The following ZNF653 variants were observed in gnomAD, a reference collection of about 807,000 sequenced individuals.
The protein encoded by ZNF653 is 67 kDa zinc finger protein.
Under a neutral mutation model 59.9 loss-of-function variants are expected in ZNF653, and 37 were observed. The ratio of observed to expected loss-of-function variants is 0.62; its 90% confidence interval spans 0.48 to 0.81. The LOEUF (loss-of-function observed/expected upper bound fraction) is 0.81. Ranked by LOEUF, ZNF653 falls within the 40% of genes least tolerant of loss-of-function variation. ZNF653 has a pLI of 0.00. For missense variants in ZNF653, 808 were observed against 881.1 expected (o/e 0.92, Z 1.05); for synonymous variants, 435 against 371.8 (o/e 1.17, Z -1.96).
At chr19:11,490,796 C>T (rs1274364087) in intron 3 of ZNF653, among the ~76,000 whole-genome samples, 1 of 152,128 alleles carries the variant, frequency 6.6e-6, no homozygotes, top group African/African-American at 2.4e-5. Context: ...ATCTCATTGG[C>T]CCCCTAAGAG....
intron 3 of ZNF653, among the ~76,000 whole-genome samples, chr19:11,490,635 T>C (rs574879372): frequency 1.3e-5 from 2 of 152,176 alleles, no homozygotes; most frequent in South Asian, 4.2e-4. Context: ...TCAGGTGATC[T>C]GCCCGCCTTG....
intron 3 of ZNF653, among the ~76,000 whole-genome samples, chr19:11,490,197 C>T (rs931635074): frequency 5.9e-5 from 9 of 152,182 alleles, no homozygotes; most frequent in Non-Finnish European, 1.2e-4. Context: ...ATGGCTCTAC[C>T]TACAATTACA....
At chr19:11,501,857 C>T (rs1312265168) in intron 1 of ZNF653, among the ~76,000 whole-genome samples, 16 of 152,076 alleles carry the variant, frequency 1.1e-4, no homozygotes, top group Non-Finnish European at 2.4e-4. Context: ...TGCGGTGGCA[C>T]GATCTTGGCT....
chr19:11,499,990 G>C (rs1971627364), intron 1 of ZNF653, among the ~76,000 whole-genome samples: 1 of 152,160 alleles, frequency 6.6e-6, no homozygotes, highest in Admixed American at 6.5e-5. Context: ...TCATCAATAA[G>C]CAAATGGTAC....
At chr19:11,484,869 T>G (rs921327451) in intron 7 of ZNF653, among the ~76,000 whole-genome samples, 13 of 151,020 alleles carry the variant, frequency 8.6e-5, no homozygotes, top group African/African-American at 3.2e-4. Context: ...CTGGCTAACA[T>G]GGCGAAACCC....
intron 1 of ZNF653, among the ~76,000 whole-genome samples, chr19:11,502,927 G>A (rs987688580): frequency 6.6e-6 from 1 of 151,926 alleles, no homozygotes. Flanking sequence ...CCAGCTACTC[G>A]GGAGGCTGAG....
Position 11,487,943 on chromosome 19 carries a change from A to C in ZNF653, c.560-40T>G, listed in dbSNP as rs760692957. On this transcript the variant is annotated intron_variant, in intron 3 of 8. Coordinates refer to ENST00000293771, the MANE Select transcript of ZNF653 (RefSeq NM_138783.4). This position sits in a 1 kb window ranked among gnomAD's most constrained non-coding sequence, Gnocchi z 5.1. ...GAAAGGGAGTGGTTATGATAGCTGCAGCCACTGGTATTTGTTTATTTAGTT... is the reference window on the plus strand; with the variant it reads ...GAAAGGGAGTGGTTATGATAGCTGCCGCCACTGGTATTTGTTTATTTAGTT... 4 of 1,476,010 alleles carry C rather than the reference A, an allele frequency of 2.7e-6. No individual in the cohort carries two copies. The South Asian group carries it at 5.9e-5, about 22-fold the overall frequency. The allele number at this position is 1,476,010 out of a possible 1,614,324, so 91.4% of individuals were successfully genotyped here.
intron 1 of ZNF653, 94 bp downstream of exon 1, chr19:11,505,394 G>A (rs760795733): frequency 3.1e-6 from 4 of 1,271,458 alleles, no homozygotes; most frequent in Non-Finnish European, 4.1e-6. Flanking sequence ...CGCAGGTGCC[G>A]GGGGCTGGCC....
At chr19:11,488,957 T>C (rs1971501726) in intron 3 of ZNF653, among the ~76,000 whole-genome samples, 1 of 151,624 alleles carries the variant, frequency 6.6e-6, no homozygotes, top group South Asian at 2.1e-4. Flanking sequence ...TGGAGTGCAA[T>C]GGTGCAATCT....
intron 3 of ZNF653, among the ~76,000 whole-genome samples, chr19:11,489,049 A>G (rs142455960): frequency 0.033 from 4,887 of 148,820 alleles, 117 homozygotes; most frequent in East Asian, 0.081. Flanking sequence ...ACAGGCGTGC[A>G]CCACCACACC....
At chr19:11,488,278 T>C (rs1179242394) in intron 3 of ZNF653, among the ~76,000 whole-genome samples, 2 of 151,470 alleles carry the variant, frequency 1.3e-5, no homozygotes, top group African/African-American at 4.9e-5. Flanking sequence ...GCCTCCCGAG[T>C]AGCTGGGACT....
Position 11,495,855 on chromosome 19 carries a change from T to G in ZNF653, c.559+95A>C, listed in dbSNP as rs1281787228. ...GTGCCAGAGCCAGAGCCAGAGCCAC[T>G]GTGGCTGCTATTCTGTTTGTGATGC... On this transcript the variant is annotated intron_variant, in intron 3 of 8. Transcript: ENST00000293771. This position sits in a 1 kb window ranked among gnomAD's most constrained non-coding sequence, Gnocchi z 4.9. The G allele has an allele frequency of 1.5e-6, 2 of 1,299,496 alleles. No individual in the cohort carries two copies. Among genetic ancestry groups the G allele is most frequent in the Admixed American group, 4.2e-5 (2 of 47,982 alleles). The allele number at this position is 1,299,496 out of a possible 1,614,324, so 80.5% of individuals were successfully genotyped here.
chr19:11,498,522 C>G (rs550784716), intron 1 of ZNF653, among the ~76,000 whole-genome samples, 183 bp from the exon 2 acceptor site: 1 of 152,204 alleles, frequency 6.6e-6, no homozygotes, highest in African/African-American at 2.4e-5. Context: ...TGACTCATTG[C>G]AGCCTTTGCC....
Position 11,505,509 on chromosome 19 carries a change from C to T in ZNF653, c.278G>A (p.Gly93Asp), listed in dbSNP as rs1342587172. The change falls in exon 1 of 9, where the codon GGC (glycine) becomes GAC (aspartate). Residue 93 changes from glycine (G) to aspartate (D), a missense_variant. Transcript: ENST00000293771. ...LAAYLISLER[G>D]QRSGRHGKPW... is the part of the protein sequence containing the mutation. ...TCACCCGTGGCGGCCGCTCCGCTGG[C>T]CGCGCTCCAGAGAGATGAGGTAGGC... 4.0e-6 allele frequency: 6 copies of T among 1,495,756 alleles called. No individual in the cohort carries two copies. Among genetic ancestry groups the T allele is most frequent in the Non-Finnish European group, 5.3e-6 (6 of 1,135,838 alleles). 92.7% of individuals were successfully genotyped at this position (1,495,756 alleles called of 1,614,324 possible).
At position 11,483,721 on chromosome 19, in the gene ZNF653, G is replaced by A; in HGVS notation, c.1809C>T (p.Phe603=). 1 of 1,613,706 alleles carries A rather than the reference G, an allele frequency of 6.2e-7. No individual in the cohort carries two copies. Among genetic ancestry groups the A allele is most frequent in the South Asian group, 1.1e-5 (1 of 91,076 alleles). The change falls in exon 9 of 9, where the codon TTC becomes TTT. Residue 603 remains phenylalanine (F), a synonymous_variant. Transcript: ENST00000293771. ...GATCCGGGTGGCTTTTGAGCGTGTG[G>A]AACTTGACGCTGTCCAGCTTCTCGA... The part of the protein sequence containing the change: ...KRFEKLDSVK[F]HTLKSHPDHK...
intron 1 of ZNF653, among the ~76,000 whole-genome samples, chr19:11,498,585 A>G (rs1325565673): frequency 6.6e-6 from 1 of 152,000 alleles, no homozygotes; most frequent in East Asian, 1.9e-4. Context: ...CTGGGATTAC[A>G]GGTGCACGCC....
chr19:11,490,770 A>T (rs1451222887), intron 3 of ZNF653, among the ~76,000 whole-genome samples: 1 of 151,932 alleles, frequency 6.6e-6, no homozygotes, highest in Non-Finnish European at 1.5e-5. Context: ...CTCCATGTCG[A>T]GCTCCAGATT....
At chr19:11,486,917 A>C in intron 5 of ZNF653, 37 bp from the exon 6 acceptor site, 1 of 1,611,418 alleles carries the variant, frequency 6.2e-7, no homozygotes, top group South Asian at 1.1e-5. Flanking sequence ...GGGCTCCCGC[A>C]CCAGGCAGGC....
rs1347192237 is a variant in ZNF653, at chr19:11,487,104, G to A, written c.1226C>T (p.Pro409Leu). The A allele has an allele frequency of 7.4e-6, 12 of 1,613,494 alleles. No individual in the cohort carries two copies. Among genetic ancestry groups the A allele is most frequent in the Middle Eastern group, 1.6e-4 (1 of 6,082 alleles). ...CTCAGGCACCGTTGTTGCCAGCTCC[G>A]GGGCTACTGGCTCCTCCTTCTCCTC... ...KKEEKEEPVA[P>L]ELATTVPESA... The change falls in exon 5 of 9, where the codon CCG becomes CTG. Residue 409 changes from proline (P) to leucine (L), a missense_variant. By Grantham distance (98) the Pro-to-Leu change is moderately conservative. Coordinates refer to ENST00000293771, the MANE Select transcript of ZNF653 (RefSeq NM_138783.4). This position sits in a 1 kb window ranked among gnomAD's most constrained non-coding sequence, Gnocchi z 5.1.
Sources: gnomAD v4.1 joint callset for allele counts (sites outside exome capture counted in the v4.1 genomes callset) on GRCh38, gnomAD v4.1.1 for gene constraint, Gnocchi (gnomAD v3.1) non-coding constraint, MANE v1.5 for transcripts, NCBI Gene and HGNC (gene_info 2026-07-23, HGNC 2026-07-21) for gene names.